Variants in GPHN observed in about 807,000 individuals in gnomAD.
GPHN encodes gephyrin.
A neutral mutation model predicts 95.5 loss-of-function variants in GPHN; 17 were observed. That is an observed-to-expected ratio of 0.18 (90% CI 0.12 to 0.27). The LOEUF (loss-of-function observed/expected upper bound fraction) is 0.27. Among genes scored for constraint, GPHN ranks in the 10% least tolerant of loss-of-function variants. The pLI is 1.00. For missense variants in GPHN, 660 were observed against 978.1 expected (o/e 0.67, Z 4.34); for synonymous variants, 320 against 322.5 (o/e 0.99, Z 0.08).
chr14:67,648,809 T>A, the GPHN span: 4 of 152,218 alleles, frequency 2.6e-5, no homozygotes, highest in Non-Finnish European at 5.9e-5. Flanking sequence ...GCTTCTGGTT[T>A]TAAAGCTACT....
At chr14:67,541,922 C>G in the GPHN span, 3 of 1,605,990 alleles carry the variant, frequency 1.9e-6, no homozygotes, top group East Asian at 6.7e-5. Context: ...GAAACGCTGC[C>G]TGACCCTGGA....
At chr14:67,612,861 C>G in the GPHN span, among the ~76,000 whole-genome samples, 1 of 151,976 alleles carries the variant, frequency 6.6e-6, no homozygotes, top group African/African-American at 2.4e-5. Flanking sequence ...ACAAGACTCT[C>G]TTGAACCAGG....
At chr14:67,659,564 T>C in the GPHN span, among the ~76,000 whole-genome samples, 3 of 151,458 alleles carry the variant, frequency 2.0e-5, no homozygotes, top group Non-Finnish European at 4.4e-5. Flanking sequence ...ATAGAGCAGA[T>C]ACCAAGGGGT....
chr14:66,584,941 T>G lies in GPHN; in HGVS notation c.64+76350T>G, dbSNP rs182080059. 3.0e-3 allele frequency among the ~76,000 whole-genome samples: 457 copies of G among 152,324 alleles called. 3 individuals carry two copies. The highest frequency in any genetic ancestry group is 0.011 in the African/African-American group (439 of 41,588). Reference sequence around the variant, plus strand: ...GAGGATTCCCTCTTTTTCTATTGATTGGAATAGTTTCAGAAGGAATGGTAC... The same window carrying G: ...GAGGATTCCCTCTTTTTCTATTGATGGGAATAGTTTCAGAAGGAATGGTAC... On this transcript the variant is annotated intron_variant, in intron 1 of 22. Transcript: ENST00000478722.
chr14:67,000,499 A>G (rs1369241055), intron 9 of GPHN, among the ~76,000 whole-genome samples: 1 of 151,740 alleles, frequency 6.6e-6, no homozygotes, highest in Non-Finnish European at 1.5e-5. Context: ...AAAATCTTTA[A>G]TAATGATTTA....
the GPHN span, among the ~76,000 whole-genome samples, chr14:67,551,500 G>A: frequency 1.6e-3 from 247 of 152,274 alleles, 1 homozygote; most frequent in African/African-American, 5.9e-3. Flanking sequence ...CTGAGGCACA[G>A]AGAGGTTAAG....
the GPHN span, chr14:67,227,638 A>C: frequency 6.6e-6 from 1 of 152,130 alleles, no homozygotes. Flanking sequence ...TTGGACTCTT[A>C]TTTACTATAG....
At chr14:66,686,006 C>T (rs2067331657) in intron 2 of GPHN, among the ~76,000 whole-genome samples, 1 of 152,192 alleles carries the variant, frequency 6.6e-6, no homozygotes, top group African/African-American at 2.4e-5. Context: ...AATAGGGAAT[C>T]CTTTCCCCAT....
intron 20 of GPHN, 31 bp downstream of exon 20, chr14:67,165,257 T>C: frequency 6.5e-7 from 1 of 1,537,000 alleles, no homozygotes; most frequent in Non-Finnish European, 9.0e-7. Flanking sequence ...CCTTTCCTTT[T>C]TCTGGAAAAA....
chr14:67,045,892 C>G (rs1194356274), intron 10 of GPHN, among the ~76,000 whole-genome samples: 1 of 151,982 alleles, frequency 6.6e-6, no homozygotes, highest in East Asian at 1.9e-4. Context: ...AATTCATTTT[C>G]AAGGCCTGAA....
chr14:66,622,691 A>C (rs976339137), intron 1 of GPHN, among the ~76,000 whole-genome samples: 2 of 152,178 alleles, frequency 1.3e-5, no homozygotes, highest in African/African-American at 4.8e-5. Context: ...TCTCTGGGGC[A>C]GGGGCAAAAA....
At chr14:67,572,265 G>T in the GPHN span, 1 of 1,599,956 alleles carries the variant, frequency 6.3e-7, no homozygotes, top group Non-Finnish European at 8.5e-7. Flanking sequence ...CCGACGGGCT[G>T]GGCCTGGGCG....
the GPHN span, among the ~76,000 whole-genome samples, chr14:67,207,665 C>A: frequency 6.5e-4 from 99 of 152,168 alleles, no homozygotes; most frequent in African/African-American, 2.1e-3. Flanking sequence ...CTAAGTGATT[C>A]TGAGCGAATC....
intron 2 of GPHN, among the ~76,000 whole-genome samples, chr14:66,689,740 C>A (rs1281194494): frequency 6.6e-6 from 1 of 151,998 alleles, no homozygotes; most frequent in African/African-American, 2.4e-5. Context: ...TGGGGTTTTT[C>A]ATTTCTTCTT....
intron 19 of GPHN, among the ~76,000 whole-genome samples, chr14:67,163,851 T>C (rs551237229): frequency 6.7e-6 from 1 of 150,226 alleles, no homozygotes; most frequent in Non-Finnish European, 1.5e-5. Context: ...GGGTAATTAA[T>C]AGAAAAAAAA....
the GPHN span, among the ~76,000 whole-genome samples, chr14:67,618,493 C>T: frequency 6.2e-4 from 94 of 152,222 alleles, 4 homozygotes; most frequent in South Asian, 8.1e-3. Context: ...CCCACTTTAG[C>T]CTCCCAAGTA....
chr14:67,018,864 G>A (rs949034586), intron 9 of GPHN, among the ~76,000 whole-genome samples: 4 of 152,124 alleles, frequency 2.6e-5, no homozygotes, highest in Non-Finnish European at 5.9e-5. Flanking sequence ...GATTATGGGA[G>A]GGCCCAGAGC....
intron 2 of GPHN, among the ~76,000 whole-genome samples, chr14:66,685,998 TA>T (rs368768208): frequency 0.31 from 46,819 of 151,722 alleles, 10,922 homozygotes; most frequent in African/African-American, 0.63. Flanking sequence ...ATTTATTAAA[TA>T]GGGAATCCTT....
At chr14:66,704,999 C>T (rs192400163) in intron 2 of GPHN, among the ~76,000 whole-genome samples, 1 of 152,342 alleles carries the variant, frequency 6.6e-6, no homozygotes, top group Non-Finnish European at 1.5e-5. Context: ...ACTGATCCAA[C>T]AGAGATACAA....
Sources: allele counts gnomAD v4.1 joint callset (sites outside exome capture counted in the v4.1 genomes callset), GRCh38; gene constraint gnomAD v4.1.1; transcripts MANE v1.5; gene names NCBI Gene and HGNC (gene_info 2026-07-23, HGNC 2026-07-21).